The following RANBP2 variants were observed in gnomAD, a reference collection of about 807,000 sequenced individuals.
The protein encoded by RANBP2 is E3 SUMO-protein ligase RanBP2.
A neutral mutation model predicts 303.6 loss-of-function variants in RANBP2; 57 were observed. The ratio of observed to expected loss-of-function variants is 0.19; its 90% CI spans 0.15 to 0.23. The LOEUF (loss-of-function observed/expected upper bound fraction) is 0.23, where lower values mean the gene tolerates loss of function less well. Among genes scored for constraint, RANBP2 ranks in the 10% least tolerant of loss-of-function variants. The pLI is 1.00. For missense variants in RANBP2, 3,138 were observed against 3,780.8 expected (o/e 0.83, Z 4.46); for synonymous variants, 1,167 against 1,301.5 (o/e 0.90, Z 2.23).
the RANBP2 span, among the ~76,000 whole-genome samples, chr2:109,662,269 G>T: frequency 2.0e-5 from 3 of 151,800 alleles, no homozygotes; most frequent in African/African-American, 7.3e-5. Flanking sequence ...ACCTTCTCTG[G>T]TTCACCCTGT....
the RANBP2 span, chr2:109,129,424 T>G: frequency 6.8e-7 from 1 of 1,468,858 alleles, no homozygotes; most frequent in East Asian, 2.8e-5. Context: ...CCAGCCGGGG[T>G]GAAGAAAGTC....
At chr2:109,026,297 C>CTTGTTTTTTTT in the RANBP2 span, among the ~76,000 whole-genome samples, 1 of 93,426 alleles carries the variant, frequency 1.1e-5, no homozygotes, top group Non-Finnish European at 2.0e-5. Context: ...CCATGCCTAG[C>CTTGTTTTTTTT]TTTTTTTTTT....
chr2:109,378,945 T>C, the RANBP2 span, among the ~76,000 whole-genome samples: 1 of 152,274 alleles, frequency 6.6e-6, no homozygotes, highest in Admixed American at 6.5e-5. Flanking sequence ...CAGGACTGTC[T>C]CTCTCTACAG....
chr2:108,907,327 C>T, the RANBP2 span, among the ~76,000 whole-genome samples: 6 of 151,994 alleles, frequency 3.9e-5, no homozygotes, highest in South Asian at 4.2e-4. Flanking sequence ...TATTATTTTT[C>T]GTTTTTGTGT....
At chr2:109,659,332 G>A in the RANBP2 span, among the ~76,000 whole-genome samples, 6 of 152,016 alleles carry the variant, frequency 3.9e-5, no homozygotes, top group Admixed American at 1.3e-4. Context: ...CCAAGATCAC[G>A]CCATTGCACT....
chr2:109,600,050 T>G, the RANBP2 span, among the ~76,000 whole-genome samples: 1 of 152,186 alleles, frequency 6.6e-6, no homozygotes, highest in Non-Finnish European at 1.5e-5. Flanking sequence ...GTAGAGCCTT[T>G]GGAATCTGCT....
At chr2:108,786,691 C>CCCGCCCTTTCCCTG (rs1678799258), downstream of RANBP2, 1 of 848,912 alleles carries the variant, frequency 1.2e-6, no homozygotes, top group African/African-American at 1.7e-5. Context: ...GTCGCCCCGC[C>CCCGCCCTTTCCCTG]CCGCCCTTTC....
the RANBP2 span, among the ~76,000 whole-genome samples, chr2:108,815,478 T>TG: frequency 7.0e-6 from 1 of 143,822 alleles, no homozygotes; most frequent in African/African-American, 2.6e-5. Flanking sequence ...TTTTTTTTTT[T>TG]TTTTTTGAGA....
chr2:109,642,205 G>A, the RANBP2 span, among the ~76,000 whole-genome samples: 1 of 152,108 alleles, frequency 6.6e-6, no homozygotes, highest in Non-Finnish European at 1.5e-5. Context: ...TTATAAGTGT[G>A]AGCCACTGCA....
chr2:109,295,777 G>A, the RANBP2 span, among the ~76,000 whole-genome samples: 35 of 152,146 alleles, frequency 2.3e-4, no homozygotes, highest in African/African-American at 8.4e-4. Flanking sequence ...TTGTGGGCAC[G>A]TCTGTGGTGG....
the RANBP2 span, among the ~76,000 whole-genome samples, chr2:109,091,767 C>A: frequency 2.6e-5 from 4 of 152,166 alleles, no homozygotes; most frequent in African/African-American, 9.7e-5. Flanking sequence ...ACCCAATGTG[C>A]ATGGATTTAA....
At chr2:109,425,698 G>GA in the RANBP2 span, among the ~76,000 whole-genome samples, 6,578 of 151,576 alleles carry the variant, frequency 0.043, 470 homozygotes, top group African/African-American at 0.15. Context: ...CTACTGCTCA[G>GA]AAAAAAAAGA....
the RANBP2 span, among the ~76,000 whole-genome samples, chr2:109,120,382 G>A: frequency 6.6e-6 from 1 of 152,190 alleles, no homozygotes; most frequent in African/African-American, 2.4e-5. Context: ...TTCCTCACAG[G>A]TGAATATGCC....
At chr2:109,482,932 A>G in the RANBP2 span, among the ~76,000 whole-genome samples, 1 of 152,250 alleles carries the variant, frequency 6.6e-6, no homozygotes, top group East Asian at 1.9e-4. Flanking sequence ...TGGCAAGGGC[A>G]GCATTTTTGA....
chr2:109,393,042 C>G, the RANBP2 span, among the ~76,000 whole-genome samples: 5 of 152,130 alleles, frequency 3.3e-5, no homozygotes, highest in Non-Finnish European at 7.4e-5. Context: ...CGAAGTCCAG[C>G]CCAGCCCAGC....
At chr2:109,515,758 T>C in the RANBP2 span, among the ~76,000 whole-genome samples, 51 of 152,288 alleles carry the variant, frequency 3.3e-4, no homozygotes, top group African/African-American at 1.2e-3. Context: ...CATTTGCATC[T>C]GGTGAGGCCT....
At chr2:109,322,930 T>C in the RANBP2 span, among the ~76,000 whole-genome samples, 5 of 152,146 alleles carry the variant, frequency 3.3e-5, no homozygotes, top group Non-Finnish European at 1.5e-5. Context: ...CCTGGCTAGA[T>C]TGGAATTTAG....
chr2:108,755,804 A>G (rs1398962713), intron 17 of RANBP2, among the ~76,000 whole-genome samples: 1 of 148,146 alleles, frequency 6.8e-6, no homozygotes, highest in Admixed American at 6.8e-5. Context: ...GCTCACTGCA[A>G]CCTCCACCTC....
At chr2:108,733,257 CTTTTTTTTTTTTT>C (rs34665362) in intron 4 of RANBP2, among the ~76,000 whole-genome samples, 5 of 85,004 alleles carry the variant, frequency 5.9e-5, no homozygotes, top group African/African-American at 1.9e-4. Flanking sequence ...TAACCATTCC[CTTTTTTTTTTTTT>C]TTTTTTTTTT....
Sources: gnomAD v4.1 joint callset for allele counts (sites outside exome capture counted in the v4.1 genomes callset) on GRCh38, gnomAD v4.1.1 for gene constraint, MANE v1.5 for transcripts, NCBI Gene and HGNC (gene_info 2026-07-23, HGNC 2026-07-21) for gene names.